The following NPNT variants were observed in gnomAD, a reference collection of about 807,000 sequenced individuals.
The protein encoded by NPNT is nephronectin.
In NPNT, 45 loss-of-function variants were observed where a neutral mutation model predicts 68.6. The ratio of observed to expected loss-of-function variants is 0.66; its 90% CI spans 0.52 to 0.84. The LOEUF (loss-of-function observed/expected upper bound fraction) is 0.84. NPNT is among the 40% of genes least tolerant of loss of function. NPNT has a pLI of 0.00. For synonymous variants in NPNT, 233 were observed against 253.3 expected, an observed-to-expected ratio of 0.92 and a Z score of 0.76; for missense variants, 672 against 714.8, an observed-to-expected ratio of 0.94 and a Z score of 0.68.
intron 8 of NPNT, among the ~76,000 whole-genome samples, chr4:105,956,939 G>C (rs769898561): frequency 2.0e-5 from 3 of 152,120 alleles, no homozygotes; most frequent in Non-Finnish European, 1.5e-5. Flanking sequence ...GAAGTAGTAA[G>C]CTAAAAACAA....
Position 105,938,299 on chromosome 4 carries a change from A to G in NPNT, c.386-2A>G. 2 of 1,612,342 alleles carry G rather than the reference A, an allele frequency of 1.2e-6. No homozygotes were observed. Among genetic ancestry groups the G allele is most frequent in the African/African-American group, 2.7e-5 (2 of 74,946 alleles). On this transcript the variant is annotated splice_acceptor_variant, in intron 4 of 11. Coordinates refer to ENST00000379987, the MANE Select transcript of NPNT (RefSeq NM_001033047.3). LOFTEE classifies it high-confidence loss of function. ...TGAGTCAGCCAGTCACTCTCTTTCC[A>G]GGTGCCCTGACCTGCTCCATGGCAA...
intron 1 of NPNT, among the ~76,000 whole-genome samples, chr4:105,896,536 G>T (rs1305400285): frequency 6.6e-6 from 1 of 152,166 alleles, no homozygotes; most frequent in Non-Finnish European, 1.5e-5. Flanking sequence ...GACTAGGCTC[G>T]TCCCGGGTGC....
chr4:105,915,815 A>T (rs984132779), intron 2 of NPNT, among the ~76,000 whole-genome samples: 5 of 152,148 alleles, frequency 3.3e-5, no homozygotes, highest in African/African-American at 1.2e-4. Flanking sequence ...ACAGGCTATG[A>T]TTTCATTTCT....
chr4:105,895,626 G>T lies in NPNT; in HGVS notation c.-27G>T. 6.5e-7 allele frequency: 1 copy of T among 1,546,298 alleles called. No individual in the cohort carries two copies. The highest frequency in any genetic ancestry group is 8.7e-7 in the Non-Finnish European group (1 of 1,144,648). On this transcript the variant is annotated 5_prime_UTR_variant, in exon 1 of 12. Transcript: ENST00000379987. ...CAACCTGTTCCTCGCGCGCCACTGCGCTGCGCCCCAGGACCCGCTGCCCAA... is the reference window on the plus strand; with the variant it reads ...CAACCTGTTCCTCGCGCGCCACTGCTCTGCGCCCCAGGACCCGCTGCCCAA...
At chr4:105,955,268 T>C (rs1731130547) in intron 8 of NPNT, among the ~76,000 whole-genome samples, 1 of 152,228 alleles carries the variant, frequency 6.6e-6, no homozygotes, top group South Asian at 2.1e-4. Flanking sequence ...TACCAATGTC[T>C]ATCCTGGTTA....
chr4:105,924,896 G>GTT, intron 2 of NPNT, among the ~76,000 whole-genome samples: 1 of 152,168 alleles, frequency 6.6e-6, no homozygotes, highest in South Asian at 2.1e-4. Flanking sequence ...TTATTTCCTG[G>GTT]ACTTGCACTT....
At chr4:105,959,955 A>G (rs1043298695) in intron 10 of NPNT, among the ~76,000 whole-genome samples, 13 of 152,022 alleles carry the variant, frequency 8.6e-5, no homozygotes, top group South Asian at 2.1e-4. Flanking sequence ...GACTACAGGC[A>G]TGTGCCACCA....
chr4:105,919,571 A>G (rs1455982171), intron 2 of NPNT, among the ~76,000 whole-genome samples: 1 of 152,148 alleles, frequency 6.6e-6, no homozygotes, highest in South Asian at 2.1e-4. Flanking sequence ...ATTGCTTTAA[A>G]ACAATTCTAC....
chr4:105,955,749 A>G (rs1201053590), intron 8 of NPNT, among the ~76,000 whole-genome samples: 2 of 152,018 alleles, frequency 1.3e-5, no homozygotes, highest in Non-Finnish European at 2.9e-5. Context: ...TACTGCTTGA[A>G]TGATTTGTTC....
In NPNT at chr4:105,911,994, GT is replaced by G. The variant is rs1361755515; in HGVS notation, c.172+14000del. 23 of 546,052 alleles carry G rather than the reference GT, an allele frequency of 4.2e-5. 1 individual carries two copies. The highest frequency in any genetic ancestry group is 1.4e-4 in the Admixed American group (4 of 28,824). The allele number at this position is 546,052 out of a possible 1,614,324, so 33.8% of individuals were successfully genotyped here. A position where few individuals can be genotyped will look rare whatever the true frequency, so the allele number is the denominator to read the frequency against. ...TTGGTTAATATTTTTGTTATGAAAT[GT>G]TTTTTTATAACAAAATGGTGACTAA... is the stretch of plus-strand genomic sequence containing the variant. On this transcript the variant is annotated intron_variant, in intron 2 of 11. Coordinates refer to ENST00000379987, the MANE Select transcript of NPNT (RefSeq NM_001033047.3).
chr4:105,932,416 A>T (rs961137868), intron 3 of NPNT, among the ~76,000 whole-genome samples: 9 of 152,246 alleles, frequency 5.9e-5, no homozygotes, highest in African/African-American at 2.2e-4. Flanking sequence ...ACAAGATGAC[A>T]GTGATACATT....
intron 10 of NPNT, among the ~76,000 whole-genome samples, chr4:105,961,769 C>T (rs1439080671): frequency 2.0e-5 from 3 of 152,126 alleles, no homozygotes; most frequent in African/African-American, 7.2e-5. Flanking sequence ...TGATGATTGG[C>T]TACGGTCCCT....
At chr4:105,942,789 C>A (rs996075247) in intron 8 of NPNT, 87 bp downstream of exon 8, 1 of 1,286,702 alleles carries the variant, frequency 7.8e-7, no homozygotes, top group Non-Finnish European at 1.1e-6. Flanking sequence ...AAGAATGAAA[C>A]TCGTAAGAAG....
chr4:105,935,416 C>G (rs774853509), intron 3 of NPNT, among the ~76,000 whole-genome samples: 2 of 152,176 alleles, frequency 1.3e-5, no homozygotes, highest in Non-Finnish European at 2.9e-5. Flanking sequence ...AAGTTTCCCT[C>G]TCATTTTTAG....
intron 4 of NPNT, 26 bp downstream of exon 4, chr4:105,937,154 A>G (rs766265264): frequency 2.5e-6 from 4 of 1,611,174 alleles, no homozygotes; most frequent in Non-Finnish European, 3.4e-6. Context: ...TAACTGTTTT[A>G]TAAGTGCTTT....
intron 2 of NPNT, among the ~76,000 whole-genome samples, chr4:105,922,389 AT>A (rs34610550): frequency 0.22 from 30,909 of 138,978 alleles, 3,579 homozygotes; most frequent in African/African-American, 0.35. Context: ...TAAGATGGAT[AT>A]TTTTTTTTTT....
intron 1 of NPNT, among the ~76,000 whole-genome samples, chr4:105,897,099 A>G (rs115903528): frequency 0.014 from 2,201 of 152,320 alleles, 52 homozygotes; most frequent in African/African-American, 0.047. Context: ...AAATGTTGAT[A>G]CCCAGAGGAA....
intron 10 of NPNT, among the ~76,000 whole-genome samples, chr4:105,965,360 CA>C (rs367576063): frequency 0.13 from 8,973 of 71,736 alleles, 268 homozygotes; most frequent in Middle Eastern, 0.27. Flanking sequence ...TCTTCATGGC[CA>C]AAAAAAAAAA....
chr4:105,896,622 C>G (rs1358910244), intron 1 of NPNT, among the ~76,000 whole-genome samples: 2 of 152,206 alleles, frequency 1.3e-5, no homozygotes, highest in African/African-American at 4.8e-5. Flanking sequence ...GACCTCTGCC[C>G]CCACCCCTCC....
Sources: gnomAD v4.1 joint callset for allele counts (sites outside exome capture counted in the v4.1 genomes callset) on GRCh38, gnomAD v4.1.1 for gene constraint, MANE v1.5 for transcripts, NCBI Gene and HGNC (gene_info 2026-07-23, HGNC 2026-07-21) for gene names.